PACRG: variants seen among roughly 807,000 people sequenced by gnomAD.
PACRG encodes the protein parkin coregulated.
A neutral mutation model predicts 29.7 loss-of-function variants in PACRG; 29 were observed. The ratio of observed to expected loss-of-function variants is 0.98; its 90% CI spans 0.73 to 1.33. The LOEUF is 1.33. PACRG is among the 40% of genes most tolerant of loss of function. The pLI is 0.00. For missense variants in PACRG, 279 were observed against 316.2 expected (o/e 0.88, Z 0.89); for synonymous variants, 116 against 118.7 (o/e 0.98, Z 0.15).
rs190201158 is a variant in PACRG at position 162,849,158 on chromosome 6, T to C, written c.291+34877T>C. The stretch of plus-strand genomic sequence containing the variant: ...ACATTATTGGGGAACAAGTGAGCAA[T>C]TTAGTACATTGGCGTGCAAAAAGAG... On this transcript the variant is annotated intron_variant, in intron 2 of 4. Transcript: ENST00000366888. 4.8e-3 allele frequency among the ~76,000 whole-genome samples: 728 copies of C among 152,214 alleles called. 2 individuals are homozygous for C. The highest frequency in any genetic ancestry group is 6.5e-3 in the Non-Finnish European group (445 of 68,010).
At chr6:163,108,648 C>T (rs988953519) in intron 4 of PACRG, among the ~76,000 whole-genome samples, 1 of 152,060 alleles carries the variant, frequency 6.6e-6, no homozygotes, top group East Asian at 1.9e-4. Context: ...CTCAACCTCT[C>T]AAAGTGCTGG....
upstream of PACRG, chr6:162,727,643 C>G: frequency 6.3e-7 from 1 of 1,583,980 alleles, no homozygotes; most frequent in Non-Finnish European, 8.6e-7. Flanking sequence ...GAGGCTGTAC[C>G]TGGCAGGTAC....
intron 4 of PACRG, among the ~76,000 whole-genome samples, chr6:163,212,533 G>T (rs903057838): frequency 6.6e-6 from 1 of 152,166 alleles, no homozygotes; most frequent in Non-Finnish European, 1.5e-5. Flanking sequence ...AGGGGACACA[G>T]ATGCTGGCTC....
intron 4 of PACRG, among the ~76,000 whole-genome samples, chr6:163,270,298 G>A (rs574004573): frequency 6.6e-6 from 1 of 152,278 alleles, no homozygotes; most frequent in South Asian, 2.1e-4. Context: ...ATTAGGACCT[G>A]TCTCATATCA....
chr6:162,861,099 C>T (rs988031784), intron 2 of PACRG, among the ~76,000 whole-genome samples: 1 of 152,118 alleles, frequency 6.6e-6, no homozygotes, highest in Non-Finnish European at 1.5e-5. Context: ...TTCTTGTTTG[C>T]AAGAAGAATA....
chr6:162,740,696 T>A, intron 1 of PACRG, among the ~76,000 whole-genome samples: 1 of 151,366 alleles, frequency 6.6e-6, no homozygotes, highest in East Asian at 1.9e-4. Flanking sequence ...GCCCCCTGGG[T>A]TCAAGTGATT....
At chr6:163,201,134 C>T (rs557559265) in intron 4 of PACRG, among the ~76,000 whole-genome samples, 8 of 142,344 alleles carry the variant, frequency 5.6e-5, no homozygotes, top group East Asian at 2.2e-4. Flanking sequence ...GCTAACGAGA[C>T]GGAAACATAG....
At chr6:162,883,246 A>G (rs1050531475) in intron 2 of PACRG, among the ~76,000 whole-genome samples, 1 of 152,132 alleles carries the variant, frequency 6.6e-6, no homozygotes, top group South Asian at 2.1e-4. Flanking sequence ...TGTTACGTAA[A>G]CTGTCTGGCA....
intron 3 of PACRG, among the ~76,000 whole-genome samples, chr6:163,087,422 A>C (rs917016563): frequency 1.3e-5 from 2 of 151,014 alleles, no homozygotes; most frequent in African/African-American, 4.9e-5. Flanking sequence ...GACCAGGATG[A>C]AAAGAGAGAA....
chr6:163,045,204 C>T (rs1420434248), intron 2 of PACRG, among the ~76,000 whole-genome samples: 1 of 152,074 alleles, frequency 6.6e-6, no homozygotes, highest in Admixed American at 6.5e-5. Flanking sequence ...CTCAGGTCTT[C>T]CCTCCTCTGT....
chr6:162,781,308 A>G (rs1331563544), intron 1 of PACRG, among the ~76,000 whole-genome samples: 1 of 151,966 alleles, frequency 6.6e-6, no homozygotes, highest in Admixed American at 6.6e-5. Context: ...GTGAAATAAC[A>G]AGTTGTTTTC....
At chr6:162,984,984 T>A (rs1386185487) in intron 2 of PACRG, among the ~76,000 whole-genome samples, 1 of 151,974 alleles carries the variant, frequency 6.6e-6, no homozygotes, top group Non-Finnish European at 1.5e-5. Flanking sequence ...TGATTACTTG[T>A]TTTGCTGTGC....
intron 4 of PACRG, among the ~76,000 whole-genome samples, chr6:163,110,511 A>G (rs1815654631): frequency 6.6e-6 from 1 of 152,194 alleles, no homozygotes; most frequent in South Asian, 2.1e-4. Context: ...AAGTGCCTTT[A>G]TCTGCAGTAT....
intron 1 of PACRG, among the ~76,000 whole-genome samples, chr6:162,806,080 C>G (rs1482914946): frequency 6.6e-6 from 1 of 151,750 alleles, no homozygotes; most frequent in Non-Finnish European, 1.5e-5. Flanking sequence ...TCTATGGCAG[C>G]TAGAGCCTTA....
Position 163,313,309 on chromosome 6 carries a change from C to CT in PACRG, c.614-1509dup, listed in dbSNP as rs574518389. On this transcript the variant is annotated intron_variant, in intron 4 of 4. Coordinates refer to ENST00000366888, the MANE Select transcript of PACRG (RefSeq NM_001080379.2). Reference sequence around the variant, plus strand: ...GCACTACAGTTGTGTGACTCACAATCTTTTTTTTTCTGAAAATTAGTAATA... The same window carrying CT: ...GCACTACAGTTGTGTGACTCACAATCTTTTTTTTTTCTGAAAATTAGTAATA... Among the ~76,000 whole-genome samples the CT allele has an allele frequency of 8.7e-4, 132 of 151,092 alleles. 1 individual carries two copies. Among genetic ancestry groups the CT allele is most frequent in the African/African-American group, 2.8e-3 (115 of 41,208 alleles).
chr6:163,245,785 CTT>C (rs1468212442), intron 4 of PACRG, among the ~76,000 whole-genome samples: 1 of 152,152 alleles, frequency 6.6e-6, no homozygotes, highest in Admixed American at 6.6e-5. Context: ...CAAGACAACT[CTT>C]GACTCGGTCT....
intron 4 of PACRG, among the ~76,000 whole-genome samples, chr6:163,242,763 T>C (rs764919839): frequency 2.0e-5 from 3 of 152,254 alleles, no homozygotes; most frequent in Admixed American, 6.5e-5. Context: ...GTGTCATTTA[T>C]GGCAATGAAT....
At chr6:163,156,016 G>A (rs1778297608) in intron 4 of PACRG, among the ~76,000 whole-genome samples, 1 of 152,194 alleles carries the variant, frequency 6.6e-6, no homozygotes, top group Non-Finnish European at 1.5e-5. Context: ...CCTGAGCCCC[G>A]AGACAGGCCG....
chr6:163,222,386 C>A (rs1049588558), intron 4 of PACRG, among the ~76,000 whole-genome samples: 1 of 152,106 alleles, frequency 6.6e-6, no homozygotes, highest in African/African-American at 2.4e-5. Flanking sequence ...TCGAAACCAG[C>A]CTGGCCAACA....
Sources: allele counts gnomAD v4.1 joint callset (sites outside exome capture counted in the v4.1 genomes callset), GRCh38; gene constraint gnomAD v4.1.1; transcripts MANE v1.5; gene names NCBI Gene and HGNC (gene_info 2026-07-23, HGNC 2026-07-21).